NCOR2: variants seen among roughly 807,000 people sequenced by gnomAD.
The protein encoded by NCOR2 is CTG repeat protein 26.
NCOR2 carries 81 observed loss-of-function variants against 262.9 expected under a neutral mutation model. The observed-to-expected ratio is 0.31, with a 90% confidence interval of 0.26 to 0.37. The LOEUF (loss-of-function observed/expected upper bound fraction) is 0.37. Among genes scored for constraint, NCOR2 ranks in the 10% least tolerant of loss-of-function variants. NCOR2 has a pLI of 1.00. For synonymous variants in NCOR2, 1,659 were observed against 1,559.3 expected, an observed-to-expected ratio of 1.06 and a Z score of -1.51; for missense variants, 3,385 against 3,621.4, an observed-to-expected ratio of 0.93 and a Z score of 1.68.
At chr12:124,563,196 C>T (rs1347587274) in intron 1 of NCOR2, among the ~76,000 whole-genome samples, 1 of 152,208 alleles carries the variant, frequency 6.6e-6, no homozygotes, top group African/African-American at 2.4e-5. Flanking sequence ...CAAGCTGGAA[C>T]TTCCAATGCT....
chr12:124,484,814 C>A (rs1344667043), intron 2 of NCOR2, among the ~76,000 whole-genome samples: 1 of 152,238 alleles, frequency 6.6e-6, no homozygotes. Flanking sequence ...CCACCTCCCC[C>A]ACCCATGAAT....
chr12:124,509,234 G>T, intron 1 of NCOR2, among the ~76,000 whole-genome samples: 1 of 75,604 alleles, frequency 1.3e-5, no homozygotes, highest in East Asian at 7.8e-4. Context: ...ACTGGCTTTG[G>T]TGGGGGGGGG....
Position 124,342,876 on chromosome 12 carries a change from C to T in NCOR2, c.4936+129G>A, listed in dbSNP as rs150990899. ...ATTACACTGTTGGGTCTTCCAATCC[C>T]GAGGCCTCAGTTTCGCCATCCAGGG... On this transcript the variant is annotated intron_variant, in intron 33 of 46. Transcript: ENST00000405201. The T allele has an allele frequency of 2.8e-4, 272 of 957,584 alleles. No homozygotes were observed. The East Asian group carries it at 4.3e-3, about 15-fold the overall frequency. 59.3% of individuals were successfully genotyped at this position (957,584 alleles called of 1,614,324 possible).
intron 1 of NCOR2, among the ~76,000 whole-genome samples, chr12:124,533,086 A>G (rs1375020997): frequency 8.1e-6 from 1 of 122,856 alleles, no homozygotes; most frequent in Non-Finnish European, 1.6e-5. Context: ...TCCTACCTCC[A>G]AATCCCAATC....
intron 13 of NCOR2, among the ~76,000 whole-genome samples, chr12:124,403,567 A>C (rs1236365765): frequency 6.6e-6 from 1 of 152,222 alleles, no homozygotes; most frequent in Non-Finnish European, 1.5e-5. Context: ...AAACCAGACC[A>C]TCTTTCCATC....
chr12:124,437,580 C>T (rs2044423366), intron 8 of NCOR2, among the ~76,000 whole-genome samples: 1 of 152,216 alleles, frequency 6.6e-6, no homozygotes, highest in South Asian at 2.1e-4. Context: ...CACAGCCCAC[C>T]CTGATCCTCC....
chr12:124,465,242 C>G (rs2136626837), intron 5 of NCOR2, among the ~76,000 whole-genome samples: 1 of 152,310 alleles, frequency 6.6e-6, no homozygotes, highest in East Asian at 1.9e-4. Flanking sequence ...TTCACAAGGA[C>G]CAGTCCCTCT....
chr12:124,557,625 G>A (rs2051925714), intron 1 of NCOR2, among the ~76,000 whole-genome samples: 1 of 152,172 alleles, frequency 6.6e-6, no homozygotes, highest in Non-Finnish European at 1.5e-5. Flanking sequence ...TGGGAAGGTG[G>A]CACAGGCACT....
chr12:124,396,205 A>G (rs998918225), intron 16 of NCOR2, among the ~76,000 whole-genome samples: 3 of 152,002 alleles, frequency 2.0e-5, no homozygotes, highest in Non-Finnish European at 2.9e-5. Flanking sequence ...AGGGACTGCT[A>G]ATGGGTATGG....
chr12:124,329,221 G>A, intron 44 of NCOR2: 1 of 456,882 alleles, frequency 2.2e-6, no homozygotes. Context: ...AGCACTTTGG[G>A]AGGCCCAATG....
chr12:124,349,669 G>A (rs745631422), intron 28 of NCOR2, among the ~76,000 whole-genome samples: 18 of 152,150 alleles, frequency 1.2e-4, no homozygotes, highest in Admixed American at 2.0e-4. Context: ...TAAAGGCCCC[G>A]ACTGAAACCC....
At chr12:124,349,288 A>G (rs1483639221) in intron 28 of NCOR2, among the ~76,000 whole-genome samples, 2 of 152,152 alleles carry the variant, frequency 1.3e-5, no homozygotes, top group African/African-American at 4.8e-5. Flanking sequence ...CCGAGTCCAG[A>G]GCTATCAGAA....
intron 1 of NCOR2, among the ~76,000 whole-genome samples, chr12:124,532,166 T>C (rs1418749448): frequency 6.6e-6 from 1 of 152,088 alleles, no homozygotes; most frequent in Non-Finnish European, 1.5e-5. Context: ...ACAAAGTGCT[T>C]AGTGCACGCA....
At chr12:124,528,997 C>T (rs576525355) in intron 1 of NCOR2, among the ~76,000 whole-genome samples, 16 of 152,004 alleles carry the variant, frequency 1.1e-4, no homozygotes, top group Non-Finnish European at 2.4e-4. Flanking sequence ...CTGGCCAACA[C>T]AGAGAAACCC....
At chr12:124,554,588 C>T (rs992242839) in intron 1 of NCOR2, among the ~76,000 whole-genome samples, 6 of 152,252 alleles carry the variant, frequency 3.9e-5, no homozygotes, top group African/African-American at 1.4e-4. Flanking sequence ...AGCACAGAGG[C>T]GGCCTGGACC....
chr12:124,493,814 G>A (rs1314408732), intron 1 of NCOR2, among the ~76,000 whole-genome samples: 2 of 152,188 alleles, frequency 1.3e-5, no homozygotes, highest in Non-Finnish European at 2.9e-5. Flanking sequence ...GAGGCACGGG[G>A]GAGTGGGGGG....
At position 124,554,512 on chromosome 12, in the gene NCOR2, A is replaced by G. The variant is rs2051820683; in HGVS notation, c.-165+12796T>C. The stretch of plus-strand genomic sequence containing the variant: ...GCAAAAGCCAGGCGCCCCCTTCTCA[A>G]TGTCAAACCTCATGCTGTGCCCTCC... On this transcript the variant is annotated intron_variant, in intron 1 of 32. Transcript: ENST00000458234. Among the ~76,000 whole-genome samples, 7 of 152,084 alleles carry G rather than the reference A, an allele frequency of 4.6e-5. No individual in the cohort carries two copies. In the South Asian group the frequency reaches 1.5e-3, roughly 32 times the overall value.
chr12:124,422,873 C>A (rs914254160), intron 11 of NCOR2, among the ~76,000 whole-genome samples: 12 of 152,246 alleles, frequency 7.9e-5, no homozygotes, highest in Non-Finnish European at 1.8e-4. Context: ...TGGGGTTCCC[C>A]CCCCTTTAAA....
intron 2 of NCOR2, among the ~76,000 whole-genome samples, chr12:124,484,811 C>T (rs1254646560): frequency 3.3e-5 from 5 of 152,356 alleles, no homozygotes; most frequent in African/African-American, 1.2e-4. Context: ...TGGCCACCTC[C>T]CCCACCCATG....
Sources: allele counts gnomAD v4.1 joint callset (sites outside exome capture counted in the v4.1 genomes callset), GRCh38; gene constraint gnomAD v4.1.1; transcripts MANE v1.5; gene names NCBI Gene and HGNC (gene_info 2026-07-23, HGNC 2026-07-21).